FAM117B: variants seen among roughly 807,000 people sequenced by gnomAD.
FAM117B encodes family with sequence similarity 117 member B.
In FAM117B, 22 loss-of-function variants were observed where a neutral mutation model predicts 52.8. The observed-to-expected ratio is 0.42, with a 90% CI of 0.30 to 0.59. The LOEUF is 0.59. Among genes scored for constraint, FAM117B ranks in the 20% least tolerant of loss-of-function variants. FAM117B has a pLI of 0.22. For synonymous variants in FAM117B, 309 were observed against 324.1 expected, an observed-to-expected ratio of 0.95 and a Z score of 0.50; for missense variants, 678 against 802.6, an observed-to-expected ratio of 0.84 and a Z score of 1.88.
chr2:202,737,231 A>C (rs1349708018), intron 4 of FAM117B, among the ~76,000 whole-genome samples: 1 of 152,192 alleles, frequency 6.6e-6, no homozygotes, highest in Non-Finnish European at 1.5e-5. Flanking sequence ...GTCTCTAGGA[A>C]AGGACCTAAA....
Position 202,769,502 on chromosome 2 carries a change from A to G in FAM117B, c.*3738A>G. 6.6e-6 allele frequency: 1 copy of G among 152,530 alleles called. No individual in the cohort carries two copies. Among genetic ancestry groups the G allele is most frequent in the East Asian group, 1.9e-4 (1 of 5,192 alleles). The allele number at this position is 152,530 out of a possible 1,614,324, so 9.4% of individuals were successfully genotyped here. ...GATGAGCAGAGCAGCCCTGAACAGC[A>G]TTTTGTTTATACAGTCTTGTTTAAG... On this transcript the variant is annotated 3_prime_UTR_variant, in exon 8 of 8. Coordinates refer to ENST00000392238, the MANE Select transcript of FAM117B (RefSeq NM_173511.4).
At chr2:202,723,965 A>C (rs1691194404) in intron 2 of FAM117B, among the ~76,000 whole-genome samples, 1 of 150,092 alleles carries the variant, frequency 6.7e-6, no homozygotes, top group Non-Finnish European at 1.5e-5. Flanking sequence ...GGTTGAGCAT[A>C]GTTTCATGTG....
intron 2 of FAM117B, among the ~76,000 whole-genome samples, chr2:202,709,706 C>T (rs757014763): frequency 1.1e-4 from 17 of 152,038 alleles, no homozygotes; most frequent in Non-Finnish European, 2.1e-4. Flanking sequence ...ATGTCATAGC[C>T]ATGAAATCAT....
In FAM117B at chr2:202,699,449, GAAAAA is replaced by G. The variant is rs59522030; in HGVS notation, c.753+3428_753+3432del. ...CTCAAAAAAAAAAAAAAAAAAAAAA[GAAAAA>G]AAAAAAAAAAGAAAGAAAGAAAATG... On this transcript the variant is annotated intron_variant, in intron 2 of 7. Coordinates refer to ENST00000392238, the MANE Select transcript of FAM117B (RefSeq NM_173511.4). 2.5e-4 allele frequency among the ~76,000 whole-genome samples: 25 copies of G among 100,030 alleles called. 1 individual carries two copies. The highest frequency in any genetic ancestry group is 1.6e-3 in the Admixed American group (13 of 8,222). 65.6% of individuals were successfully genotyped at this position (100,030 alleles called of 152,430 possible). A position where few individuals can be genotyped will look rare whatever the true frequency, so the allele number is the denominator to read the frequency against.
chr2:202,710,550 CT>C (rs1212773919), intron 2 of FAM117B, among the ~76,000 whole-genome samples: 2 of 152,070 alleles, frequency 1.3e-5, no homozygotes, highest in Non-Finnish European at 2.9e-5. Flanking sequence ...TTTATAATTT[CT>C]TTGTATTACA....
intron 7 of FAM117B, among the ~76,000 whole-genome samples, chr2:202,764,231 T>C (rs1691941415): frequency 6.6e-6 from 1 of 152,178 alleles, no homozygotes; most frequent in African/African-American, 2.4e-5. Flanking sequence ...CCTCAGAATT[T>C]AGTGAACACT....
intron 2 of FAM117B, among the ~76,000 whole-genome samples, chr2:202,724,284 C>A (rs536531900): frequency 5.3e-5 from 8 of 152,240 alleles, no homozygotes; most frequent in African/African-American, 1.9e-4. Flanking sequence ...ACCTCGTGGC[C>A]TGTCCGCCTT....
At chr2:202,733,321 G>A (rs1340762617) in intron 4 of FAM117B, among the ~76,000 whole-genome samples, 1 of 152,204 alleles carries the variant, frequency 6.6e-6, no homozygotes, top group South Asian at 2.1e-4. Context: ...TGCACATATT[G>A]TCTTGATAAA....
intron 4 of FAM117B, among the ~76,000 whole-genome samples, chr2:202,745,524 A>G (rs1289783647): frequency 6.6e-6 from 1 of 152,224 alleles, no homozygotes; most frequent in Non-Finnish European, 1.5e-5. Flanking sequence ...GGTAAACAAT[A>G]AAAGAGGAAG....
At chr2:202,640,351 C>T (rs1276585892) in intron 1 of FAM117B, among the ~76,000 whole-genome samples, 1 of 91,730 alleles carries the variant, frequency 1.1e-5, no homozygotes, top group African/African-American at 4.6e-5. Flanking sequence ...TATGGCAAGT[C>T]GTGTTCTTGC....
intron 4 of FAM117B, among the ~76,000 whole-genome samples, chr2:202,735,069 C>G (rs1691419461): frequency 6.6e-6 from 1 of 151,946 alleles, no homozygotes; most frequent in Non-Finnish European, 1.5e-5. Context: ...ATTACACTGC[C>G]TTTTTGTATT....
rs1011336822 is a variant in FAM117B, at chr2:202,768,883, G to GT, written c.*3126dup. 14 of 151,912 alleles carry GT rather than the reference G, an allele frequency of 9.2e-5. No homozygotes were observed. Among genetic ancestry groups the GT allele is most frequent in the African/African-American group, 3.4e-4 (14 of 41,440 alleles). 9.4% of individuals were successfully genotyped at this position (151,912 alleles called of 1,614,324 possible). ...TGGTTATTCACTTTGTCAATCTTAG[G>GT]TTTTTTTAAATCTTTAAACAATTTC... On this transcript the variant is annotated 3_prime_UTR_variant, in exon 8 of 8. Coordinates refer to ENST00000392238, the MANE Select transcript of FAM117B (RefSeq NM_173511.4).
At chr2:202,741,556 A>G (rs1033554145) in intron 4 of FAM117B, among the ~76,000 whole-genome samples, 1 of 141,082 alleles carries the variant, frequency 7.1e-6, no homozygotes, top group Non-Finnish European at 1.5e-5. Context: ...TTTTTTTTTG[A>G]GACGGAGTCT....
chr2:202,681,698 C>G (rs1690465158), intron 1 of FAM117B, among the ~76,000 whole-genome samples: 1 of 152,200 alleles, frequency 6.6e-6, no homozygotes, highest in South Asian at 2.1e-4. Flanking sequence ...ATTTAGAACA[C>G]TTAATAACAT....
chr2:202,707,458 C>G (rs1269270649), intron 2 of FAM117B, among the ~76,000 whole-genome samples: 1 of 150,834 alleles, frequency 6.6e-6, no homozygotes, highest in African/African-American at 2.4e-5. Flanking sequence ...AATCCCAGCA[C>G]TTTGGGAGGC....
At chr2:202,728,003 G>A (rs1163533668) in intron 4 of FAM117B, among the ~76,000 whole-genome samples, 2 of 152,232 alleles carry the variant, frequency 1.3e-5, no homozygotes, top group East Asian at 1.9e-4. Context: ...TTTTGAGACA[G>A]GGTCTTGCTC....
intron 7 of FAM117B, among the ~76,000 whole-genome samples, chr2:202,759,969 G>T (rs1691859947): frequency 6.6e-6 from 1 of 152,190 alleles, no homozygotes; most frequent in Admixed American, 6.5e-5. Flanking sequence ...CTGAAGTGCT[G>T]GGATTGCAGG....
intron 4 of FAM117B, among the ~76,000 whole-genome samples, chr2:202,732,696 C>T (rs1031885779): frequency 1.3e-5 from 2 of 152,098 alleles, no homozygotes; most frequent in African/African-American, 4.8e-5. Flanking sequence ...CGGCACGTGC[C>T]TGTAGTCCCA....
intron 1 of FAM117B, among the ~76,000 whole-genome samples, chr2:202,687,788 C>T (rs1690567622): frequency 6.6e-6 from 1 of 152,146 alleles, no homozygotes; most frequent in Non-Finnish European, 1.5e-5. Flanking sequence ...TAAGTTTCTA[C>T]AATAGTCCTT....
Sources: allele counts gnomAD v4.1 joint callset (sites outside exome capture counted in the v4.1 genomes callset), GRCh38; gene constraint gnomAD v4.1.1; transcripts MANE v1.5; gene names NCBI Gene and HGNC (gene_info 2026-07-23, HGNC 2026-07-21).